The following BICRA variants were observed in gnomAD, a reference collection of about 807,000 sequenced individuals.
BICRA encodes the protein BRD4 interacting chromatin remodeling complex associated protein, also known as BRD4-interacting chromatin-remodeling complex-associated protein.
Under a neutral mutation model 96.9 loss-of-function variants are expected in BICRA, and 31 were observed. That is an observed-to-expected ratio of 0.32 (90% CI 0.24 to 0.43). The LOEUF is 0.43. Ranked by LOEUF, BICRA falls within the 20% of genes least tolerant of loss-of-function variation. The probability of loss-of-function intolerance (pLI) is 1.00; values close to 1 mark genes in which losing one functional copy is unlikely to be tolerated. For synonymous variants in BICRA, 1,350 were observed against 1,071.8 expected (o/e 1.26, Z -5.07); for missense variants, 2,283 against 2,190.3 (o/e 1.04, Z -0.84).
At chr19:47,691,223 G>A (rs1973236530) in intron 7 of BICRA, among the ~76,000 whole-genome samples, 1 of 152,252 alleles carries the variant, frequency 6.6e-6, no homozygotes, top group African/African-American at 2.4e-5. Context: ...GGCAGCACAT[G>A]ACACACAGCG....
intron 1 of BICRA, among the ~76,000 whole-genome samples, chr19:47,661,356 C>A (rs1271802313): frequency 2.6e-5 from 4 of 152,128 alleles, no homozygotes; most frequent in African/African-American, 9.7e-5. Context: ...CTCCCAAACA[C>A]CAGGGCTCAT....
chr19:47,680,274 C>T lies in BICRA; in HGVS notation c.1104C>T (p.Pro368=), dbSNP rs896224225. 2 of 1,559,526 alleles carry T rather than the reference C, an allele frequency of 1.3e-6. No homozygotes were observed. The highest frequency in any genetic ancestry group is 2.7e-5 in the African/African-American group (2 of 73,304). ...CGCCCAAGCTCTACCAGCTGACGCC[C>T]AAGCCGTTTGCGCCCGCGGGCGCCA... The part of the protein sequence containing the change: ...VLPPKLYQLT[P]KPFAPAGATL... The change falls in exon 6 of 15, where the codon CCC becomes CCT. Residue 368 remains proline (P), a synonymous_variant. Coordinates refer to ENST00000594866, the MANE Select transcript of BICRA (RefSeq NM_001394372.1).
chr19:47,680,225 A>G lies in BICRA; in HGVS notation c.1055A>G (p.Gln352Arg). The change falls in exon 6 of 15, where the codon CAG (glutamine) becomes CGG (arginine). Residue 352 changes from glutamine (Q) to arginine (R), a missense_variant. Transcript: ENST00000594866. ...VILHRTPTPI[Q>R]PKPAGVLPPK... ...CTGCATCGCACACCCACGCCCATCC[A>G]GCCCAAGCCCGCGGGGGTGCTGCCG... 1 of 1,559,626 alleles carries G rather than the reference A, an allele frequency of 6.4e-7. No homozygotes were observed. Among genetic ancestry groups the G allele is most frequent in the Non-Finnish European group, 8.6e-7 (1 of 1,161,770 alleles).
chr19:47,646,128 A>T (rs972981797), intron 1 of BICRA, among the ~76,000 whole-genome samples: 11 of 152,114 alleles, frequency 7.2e-5, no homozygotes, highest in African/African-American at 2.7e-4. Context: ...AAGAAAAAAG[A>T]AAACTCAGGG....
At chr19:47,640,648 G>A (rs1005812263) in intron 1 of BICRA, among the ~76,000 whole-genome samples, 1 of 152,122 alleles carries the variant, frequency 6.6e-6, no homozygotes, top group Non-Finnish European at 1.5e-5. Flanking sequence ...AGGGAATGGG[G>A]GCAGAGAGGG....
chr19:47,675,990 G>C lies in BICRA; in HGVS notation c.150+74G>C. On this transcript the variant is annotated intron_variant, in intron 5 of 14. Transcript: ENST00000594866. This position sits in a 1 kb window ranked among gnomAD's most constrained non-coding sequence, Gnocchi z 4.7. ...CGGGAGGAGGGCCCTGAAGCCAAGAGGGGAGGCTTGGGCTCATCTCGTGAG... is the reference window on the plus strand; with the variant it reads ...CGGGAGGAGGGCCCTGAAGCCAAGACGGGAGGCTTGGGCTCATCTCGTGAG... 1 of 1,024,044 alleles carries C rather than the reference G, an allele frequency of 9.8e-7. No individual in the cohort carries two copies. The allele number at this position is 1,024,044 out of a possible 1,614,324, so 63.4% of individuals were successfully genotyped here.
At chr19:47,676,971 C>T (rs1315610303) in intron 5 of BICRA, among the ~76,000 whole-genome samples, 1 of 152,050 alleles carries the variant, frequency 6.6e-6, no homozygotes, top group Non-Finnish European at 1.5e-5. Context: ...CAGTTAAGAG[C>T]TCAGGGGGTT....
chr19:47,674,875 A>G (rs1972918511), intron 4 of BICRA, among the ~76,000 whole-genome samples: 1 of 152,178 alleles, frequency 6.6e-6, no homozygotes, highest in African/African-American at 2.4e-5. Flanking sequence ...CCTTCCTCCC[A>G]TCACACTGTA....
At chr19:47,659,522 T>G (rs1271679362) in intron 1 of BICRA, among the ~76,000 whole-genome samples, 1 of 152,128 alleles carries the variant, frequency 6.6e-6, no homozygotes, top group African/African-American at 2.4e-5. Context: ...GTGTGTCCTT[T>G]GTATGAATTG....
rs1427846020 is a variant in BICRA at position 47,699,250 on chromosome 19, C to G, written c.3493-53C>G. 1.9e-6 allele frequency: 2 copies of G among 1,073,136 alleles called. No individual in the cohort carries two copies. Among genetic ancestry groups the G allele is most frequent in the Non-Finnish European group, 2.8e-6 (2 of 710,388 alleles). 66.5% of individuals were successfully genotyped at this position (1,073,136 alleles called of 1,614,324 possible). A position where few individuals can be genotyped will look rare whatever the true frequency, so the allele number is the denominator to read the frequency against. On this transcript the variant is annotated intron_variant, in intron 13 of 14. Coordinates refer to ENST00000594866, the MANE Select transcript of BICRA (RefSeq NM_001394372.1). This position sits in a 1 kb window ranked among gnomAD's most constrained non-coding sequence, Gnocchi z 5.0. ...CACGCATCGTCCCCGTCGCTCGCGCCCCTTCCCCCTTCTTGCTGGTTCACT... is the reference window on the plus strand; with the variant it reads ...CACGCATCGTCCCCGTCGCTCGCGCGCCTTCCCCCTTCTTGCTGGTTCACT...
chr19:47,635,612 T>G (rs1003932555), intron 1 of BICRA, among the ~76,000 whole-genome samples: 4 of 152,062 alleles, frequency 2.6e-5, no homozygotes, highest in Non-Finnish European at 5.9e-5. Context: ...AACTCTCCAT[T>G]CTCCCTGGCC....
chr19:47,632,461 A>C (rs1024127507), intron 1 of BICRA, among the ~76,000 whole-genome samples: 1 of 152,262 alleles, frequency 6.6e-6, no homozygotes, highest in Non-Finnish European at 1.5e-5. Context: ...AAAAAGGAGA[A>C]GCAAGAGATG....
At chr19:47,654,384 G>A (rs1972583890) in intron 1 of BICRA, among the ~76,000 whole-genome samples, 1 of 151,548 alleles carries the variant, frequency 6.6e-6, no homozygotes. Flanking sequence ...GATTTAACCT[G>A]TTTACTACTG....
In BICRA at chr19:47,682,330, C is replaced by T. The variant is rs149948193; in HGVS notation, c.2283+178C>T. ...GATCATGGATGCCTGAGACCAGGGC[C>T]GGCCCTGGGGGAGCCCACGCGCTGC... On this transcript the variant is annotated intron_variant, in intron 7 of 14. Coordinates refer to ENST00000594866, the MANE Select transcript of BICRA (RefSeq NM_001394372.1). Among the ~76,000 whole-genome samples the T allele has an allele frequency of 5.0e-3, 764 of 152,302 alleles. 4 individuals carry two copies. The highest frequency in any genetic ancestry group is 8.9e-3 in the Non-Finnish European group (608 of 68,026).
At chr19:47,613,804 G>A (rs2974238) in intron 1 of BICRA, among the ~76,000 whole-genome samples, 104,223 of 151,886 alleles carry the variant, frequency 0.69, 36,279 homozygotes, top group Middle Eastern at 0.81. Flanking sequence ...TTTTGTCCCA[G>A]TTGACTGAAG....
chr19:47,663,793 TAC>T (rs55750048), intron 1 of BICRA: 41,358 of 150,590 alleles, frequency 0.27, 7,809 homozygotes, highest in African/African-American at 0.54. Flanking sequence ...TGTGTCGCAG[TAC>T]ACACACACAC....
chr19:47,698,581 A>AACCCTG lies in BICRA; in HGVS notation c.3249-53_3249-52insACCCTG. ...GGTTCAGGGACTTCCCCTGGCCCTC[A>AACCCTG]CCCGTCCCCCCCACCCTCCGCCGTG... On this transcript the variant is annotated intron_variant, in intron 11 of 14. Coordinates refer to ENST00000594866, the MANE Select transcript of BICRA (RefSeq NM_001394372.1). The surrounding 1 kb of genome is among the most constrained non-coding windows in gnomAD (Gnocchi z 4.8). The AACCCTG allele has an allele frequency of 2.7e-6, 2 of 740,236 alleles. No individual in the cohort carries two copies. Among genetic ancestry groups the AACCCTG allele is most frequent in the Non-Finnish European group, 2.5e-6 (1 of 405,556 alleles). The allele number at this position is 740,236 out of a possible 1,614,324, so 45.9% of individuals were successfully genotyped here.
chr19:47,644,460 C>T, intron 1 of BICRA, among the ~76,000 whole-genome samples: 1 of 142,350 alleles, frequency 7.0e-6, no homozygotes, highest in South Asian at 2.4e-4. Flanking sequence ...CCCTCCTTCC[C>T]CTCCCCTTTC....
At chr19:47,627,310 G>C (rs1417143430) in intron 1 of BICRA, among the ~76,000 whole-genome samples, 1 of 152,042 alleles carries the variant, frequency 6.6e-6, no homozygotes, top group Non-Finnish European at 1.5e-5. Flanking sequence ...AGAGCCAACT[G>C]TGGCACTGGA....
Sources: allele counts gnomAD v4.1 joint callset (sites outside exome capture counted in the v4.1 genomes callset), GRCh38; gene constraint gnomAD v4.1.1; non-coding constraint Gnocchi (gnomAD v3.1); transcripts MANE v1.5; gene names NCBI Gene and HGNC (gene_info 2026-07-23, HGNC 2026-07-21).